PCDHB5: variants seen among roughly 807,000 people sequenced by gnomAD.
The protein encoded by PCDHB5 is protocadherin beta-5.
For synonymous variants in PCDHB5, 569 were observed against 462.2 expected (o/e 1.23, Z -2.96); for missense variants, 1,125 against 1,029.4 (o/e 1.09, Z -1.27).
chr5:141,136,467 G>C lies in PCDHB5; in HGVS notation c.1033G>C (p.Glu345Gln), dbSNP rs1554275905. Residue 345 changes from glutamate (E) to glutamine (Q), a missense_variant, in exon 1 of 1, where the codon GAA becomes CAA. Glu to Gln is a conservative substitution (Grantham distance 29, BLOSUM62 2). Transcript: ENST00000231134. ...EVVDVNDNAP[E>Q]LTMSTLSSPT... is the part of the protein sequence containing the mutation. ...GGTGGATGTGAATGACAACGCCCCT[G>C]AACTCACCATGTCTACGCTCTCCAG... is the stretch of plus-strand genomic sequence containing the variant. The C allele has an allele frequency of 6.2e-7, 1 of 1,614,092 alleles. No homozygotes were observed. The highest frequency in any genetic ancestry group is 1.3e-5 in the African/African-American group (1 of 75,024).
chr5:141,137,835 G>A lies in PCDHB5; in HGVS notation c.*13G>A, dbSNP rs1752635479. On this transcript the variant is annotated 3_prime_UTR_variant, in exon 1 of 1. Coordinates refer to ENST00000231134, the MANE Select transcript of PCDHB5 (RefSeq NM_015669.5). Reference sequence around the variant, plus strand: ...TGGATTAAATTAGAGATCTCGTGATGACGCGTTGTTTTCTGCCATTTATCC... The same window carrying A: ...TGGATTAAATTAGAGATCTCGTGATAACGCGTTGTTTTCTGCCATTTATCC... 6.4e-7 allele frequency: 1 copy of A among 1,558,318 alleles called. No individual in the cohort carries two copies. Among genetic ancestry groups the A allele is most frequent in the Admixed American group, 1.9e-5 (1 of 51,426 alleles).
At position 141,136,670 on chromosome 5, in the gene PCDHB5, C is replaced by A; in HGVS notation, c.1236C>A (p.Ser412Arg). The A allele has an allele frequency of 6.2e-7, 1 of 1,614,178 alleles. No homozygotes were observed. The part of the protein sequence containing the change: ...LVTQRTLDRE[S>R]QAEYNITITV... ...CACAGAGAACACTGGACAGAGAGAG[C>A]CAAGCCGAGTACAACATCACCATCA... The change falls in exon 1 of 1, where the codon AGC becomes AGA. Residue 412 changes from serine to arginine, a missense_variant. Physicochemically the swap from Ser to Arg is moderately radical, Grantham distance 110. Coordinates refer to ENST00000231134, the MANE Select transcript of PCDHB5 (RefSeq NM_015669.5).
Position 141,137,718 on chromosome 5 carries a change from G to A in PCDHB5, c.2284G>A (p.Glu762Lys). 1 of 1,614,240 alleles carries A rather than the reference G, an allele frequency of 6.2e-7. No individual in the cohort carries two copies. Among genetic ancestry groups the A allele is most frequent in the Non-Finnish European group, 8.5e-7 (1 of 1,180,050 alleles). The change falls in exon 1 of 1, where the codon GAG becomes AAG. Residue 762 changes from glutamate to lysine, a missense_variant. Glu to Lys is a moderately conservative substitution (Grantham distance 56). Coordinates refer to ENST00000231134, the MANE Select transcript of PCDHB5 (RefSeq NM_015669.5). ...TTTGACCGGAGACTCAGGGGCCGGCGAGTTCAAGTTCCTGAAGCCGATTAT... is the reference window on the plus strand; with the variant it reads ...TTTGACCGGAGACTCAGGGGCCGGCAAGTTCAAGTTCCTGAAGCCGATTAT... Reference protein sequence around the residue: ...VCLTGDSGAGEFKFLKPIIPN... With the variant: ...VCLTGDSGAGKFKFLKPIIPN...
chr5:141,136,217 TGTC>T lies in PCDHB5; in HGVS notation c.786_788del (p.Val264del), dbSNP rs782006572. On this transcript the variant is annotated inframe_deletion, in exon 1 of 1. Transcript: ENST00000231134. ...AGAACAGCCCCCTTAACTCCTTAGT[TGTC>T]GTTGTCTCCGCTCGAGATTTAGATG... is the stretch of plus-strand genomic sequence containing the variant. The T allele has an allele frequency of 2.2e-5, 35 of 1,613,962 alleles. No homozygotes were observed. Among genetic ancestry groups the T allele is most frequent in the Non-Finnish European group, 2.8e-5 (33 of 1,180,006 alleles).
rs782640998 is a variant in PCDHB5 at position 141,136,513 on chromosome 5, C to G, written c.1079C>G (p.Pro360Arg). ...TCCAGCCCTACCCCAGAAAATGCCCCGGAAACTGTAGTTGCCGTTTTCAGT... is the reference window on the plus strand; with the variant it reads ...TCCAGCCCTACCCCAGAAAATGCCCGGGAAACTGTAGTTGCCGTTTTCAGT... ...TLSSPTPENA[P>R]ETVVAVFSVS... Residue 360 changes from proline to arginine, a missense_variant, in exon 1 of 1, where the codon CCG (proline) becomes CGG (arginine). By Grantham distance (103) the Pro-to-Arg change is moderately radical. Transcript: ENST00000231134. The G allele has an allele frequency of 5.6e-6, 9 of 1,614,050 alleles. No individual in the cohort carries two copies. The highest frequency in any genetic ancestry group is 4.4e-5 in the South Asian group (4 of 91,058).
Position 141,136,309 on chromosome 5 carries a change from T to C in PCDHB5, c.875T>C (p.Val292Ala), listed in dbSNP as rs561226977. The C allele has an allele frequency of 1.9e-6, 3 of 1,614,208 alleles. No homozygotes were observed. The African/African-American group carries it at 4.0e-5, about 22-fold the overall frequency. Residue 292 changes from valine to alanine, a missense_variant, in exon 1 of 1, where the codon GTA (valine) becomes GCA (alanine). Physicochemically the swap from Val to Ala is moderately conservative, Grantham distance 64 (BLOSUM62 0). Coordinates refer to ENST00000231134, the MANE Select transcript of PCDHB5 (RefSeq NM_015669.5). ...GGCGATGAAGTTACTCAACCATTTG[T>C]AATAGACGAGAAAACAGCAGAAATT... ...FQGDEVTQPF[V>A]IDEKTAEIRL... is the part of the protein sequence containing the mutation.
chr5:141,135,947 A>T lies in PCDHB5; in HGVS notation c.513A>T (p.Thr171=). Residue 171 remains threonine, a synonymous_variant, in exon 1 of 1, where the codon ACA becomes ACT. Coordinates refer to ENST00000231134, the MANE Select transcript of PCDHB5 (RefSeq NM_015669.5). ...GTAGCAACACTGTTCAGAACTACAC[A>T]ATCAGCCCAAATTCACACTTTCATG... The part of the protein sequence containing the change: ...DIGSNTVQNY[T]ISPNSHFHVA... 6.2e-7 allele frequency: 1 copy of T among 1,614,220 alleles called. No individual in the cohort carries two copies. The highest frequency in any genetic ancestry group is 8.5e-7 in the Non-Finnish European group (1 of 1,180,036).
chr5:141,135,433 C>G lies in PCDHB5; in HGVS notation c.-2C>G. The G allele has an allele frequency of 6.3e-7, 1 of 1,599,358 alleles. No homozygotes were observed. The highest frequency in any genetic ancestry group is 1.1e-5 in the South Asian group (1 of 88,034). ...CTGCGCCTTCTGGACCGGGTCTGAA[C>G]AATGGAGACTGCGCTAGCAAAAACG... On this transcript the variant is annotated 5_prime_UTR_variant, in exon 1 of 1. Coordinates refer to ENST00000231134, the MANE Select transcript of PCDHB5 (RefSeq NM_015669.5).
rs376241808 is a variant in PCDHB5, at chr5:141,135,863, A to G, written c.429A>G (p.Pro143=). Reference sequence around the variant, plus strand: ...AGAAGGAAATGCTCCTAAAAATCCCAGAGAGCACCCAGCCAGGGACTGTGT... The same window carrying G: ...AGAAGGAAATGCTCCTAAAAATCCCGGAGAGCACCCAGCCAGGGACTGTGT... The part of the protein sequence containing the change: ...FPEKEMLLKI[P]ESTQPGTVFP... Residue 143 remains proline (P), a synonymous_variant, in exon 1 of 1, where the codon CCA becomes CCG. Transcript: ENST00000231134. The G allele has an allele frequency of 1.9e-6, 3 of 1,614,208 alleles. No homozygotes were observed. The highest frequency in any genetic ancestry group is 2.2e-5 in the East Asian group (1 of 44,888).
rs374505721 is a variant in PCDHB5, at chr5:141,137,360, G to T, written c.1926G>T (p.Leu642=). Residue 642 remains leucine (L), a synonymous_variant, in exon 1 of 1, where the codon CTG becomes CTT. Coordinates refer to ENST00000231134, the MANE Select transcript of PCDHB5 (RefSeq NM_015669.5). ...RDAAKHRLVV[L]VKDNGEPPRS... is the part of the protein sequence containing the mutation. ...CGGCCAAGCACAGGCTGGTGGTGCT[G>T]GTCAAGGACAATGGCGAGCCTCCGC... 1.4e-4 allele frequency: 231 copies of T among 1,609,774 alleles called. No individual in the cohort carries two copies. The highest frequency in any genetic ancestry group is 4.3e-4 in the African/African-American group (32 of 74,980).
At position 141,135,779 on chromosome 5, in the gene PCDHB5, G is replaced by A. The variant is rs1563870703; in HGVS notation, c.345G>A (p.Gln115=). ...HFQLLLENPV[Q]FFQTDLQLTD... ...AGCTCTTACTAGAAAATCCAGTGCA[G>A]TTTTTTCAAACTGATCTGCAGCTCA... Residue 115 remains glutamine (Q), a synonymous_variant, in exon 1 of 1, where the codon CAG becomes CAA. Transcript: ENST00000231134. 6.2e-7 allele frequency: 1 copy of A among 1,614,092 alleles called. No individual in the cohort carries two copies. The highest frequency in any genetic ancestry group is 8.5e-7 in the Non-Finnish European group (1 of 1,179,964).
chr5:141,136,962 G>C lies in PCDHB5; in HGVS notation c.1528G>C (p.Gly510Arg), dbSNP rs782550910. The C allele has an allele frequency of 6.2e-7, 1 of 1,612,514 alleles. No individual in the cohort carries two copies. The highest frequency in any genetic ancestry group is 8.5e-7 in the Non-Finnish European group (1 of 1,179,968). The change falls in exon 1 of 1, where the codon GGC becomes CGC. Residue 510 changes from glycine to arginine, a missense_variant. Coordinates refer to ENST00000231134, the MANE Select transcript of PCDHB5 (RefSeq NM_015669.5). ...CCTGGTCTCCATCAACGCGGACAAC[G>C]GCCACCTGTTTGCCCTCAGGTCGCT... The part of the protein sequence containing the change: ...ASLVSINADN[G>R]HLFALRSLDY...
rs782616677 is a variant in PCDHB5, at chr5:141,136,275, C to G, written c.841C>G (p.Leu281Val). The part of the protein sequence containing the change: ...AGAYGSVAYA[L>V]FQGDEVTQPF... ...AGCATATGGGAGTGTAGCCTATGCTCTATTCCAAGGCGATGAAGTTACTCA... is the reference window on the plus strand; with the variant it reads ...AGCATATGGGAGTGTAGCCTATGCTGTATTCCAAGGCGATGAAGTTACTCA... Residue 281 changes from leucine to valine, a missense_variant, in exon 1 of 1, where the codon CTA (leucine) becomes GTA (valine). Transcript: ENST00000231134. 3.1e-6 allele frequency: 5 copies of G among 1,614,164 alleles called. No individual in the cohort carries two copies. In the East Asian group the frequency reaches 8.9e-5, roughly 29 times the overall value.
Position 141,137,516 on chromosome 5 carries a change from C to G in PCDHB5, c.2082C>G (p.Ala694=). The change falls in exon 1 of 1, where the codon GCC becomes GCG. Residue 694 remains alanine (A), a synonymous_variant. Coordinates refer to ENST00000231134, the MANE Select transcript of PCDHB5 (RefSeq NM_015669.5). ...SLTVYLVVAL[A]SVSSLFLFSV... Reference sequence around the variant, plus strand: ...CTGTCTACCTGGTGGTGGCATTGGCCTCGGTGTCGTCGCTCTTCCTCTTTT... The same window carrying G: ...CTGTCTACCTGGTGGTGGCATTGGCGTCGGTGTCGTCGCTCTTCCTCTTTT... 6.2e-7 allele frequency: 1 copy of G among 1,612,468 alleles called. No individual in the cohort carries two copies. The highest frequency in any genetic ancestry group is 8.5e-7 in the Non-Finnish European group (1 of 1,179,612).
Position 141,135,293 on chromosome 5 carries a change from A to C in PCDHB5, c.-142A>C. 1 of 620,718 alleles carries C rather than the reference A, an allele frequency of 1.6e-6. No individual in the cohort carries two copies. The highest frequency in any genetic ancestry group is 2.8e-6 in the Non-Finnish European group (1 of 360,278). The allele number at this position is 620,718 out of a possible 1,614,324, so 38.5% of individuals were successfully genotyped here. A position where few individuals can be genotyped will look rare whatever the true frequency, so the allele number is the denominator to read the frequency against. On this transcript the variant is annotated 5_prime_UTR_variant, in exon 1 of 1. Coordinates refer to ENST00000231134, the MANE Select transcript of PCDHB5 (RefSeq NM_015669.5). ...CTAAAAGAAGGACGCATTTTAGGTA[A>C]GATCTAGTGGCTAGATCTTCAGGGT... is the stretch of plus-strand genomic sequence containing the variant.
At position 141,136,211 on chromosome 5, in the gene PCDHB5, C is replaced by T. The variant is rs1399845591; in HGVS notation, c.777C>T (p.Ser259=). ...VQVPENSPLN[S]LVVVVSARDL... Reference sequence around the variant, plus strand: ...TGCCCGAGAACAGCCCCCTTAACTCCTTAGTTGTCGTTGTCTCCGCTCGAG... The same window carrying T: ...TGCCCGAGAACAGCCCCCTTAACTCTTTAGTTGTCGTTGTCTCCGCTCGAG... The change falls in exon 1 of 1, where the codon TCC becomes TCT. Residue 259 remains serine, a synonymous_variant. Coordinates refer to ENST00000231134, the MANE Select transcript of PCDHB5 (RefSeq NM_015669.5). 6.2e-7 allele frequency: 1 copy of T among 1,613,930 alleles called. No individual in the cohort carries two copies. The highest frequency in any genetic ancestry group is 1.3e-5 in the African/African-American group (1 of 74,900).
Position 141,138,209 on chromosome 5 carries a change from ACAT to A in PCDHB5, c.*394_*396del, listed in dbSNP as rs533688968. ...AAAATGCAAAAATTAAAAATGTTTC[ACAT>A]CATCATATTTTAATTGTTTAAAACA... On this transcript the variant is annotated 3_prime_UTR_variant, in exon 1 of 1. Coordinates refer to ENST00000231134, the MANE Select transcript of PCDHB5 (RefSeq NM_015669.5). 1.0e-3 allele frequency: 174 copies of A among 167,656 alleles called. 2 individuals carry two copies. Among genetic ancestry groups the A allele is most frequent in the African/African-American group, 3.7e-3 (157 of 41,990 alleles). 10.4% of individuals were successfully genotyped at this position (167,656 alleles called of 1,614,324 possible).
In PCDHB5 at chr5:141,137,361, G is replaced by A; in HGVS notation, c.1927G>A (p.Val643Ile). Residue 643 changes from valine (V) to isoleucine (I), a missense_variant, in exon 1 of 1, where the codon GTC (valine) becomes ATC (isoleucine). Val to Ile is a conservative substitution (Grantham distance 29). Transcript: ENST00000231134. ...GGCCAAGCACAGGCTGGTGGTGCTG[G>A]TCAAGGACAATGGCGAGCCTCCGCG... Reference protein sequence around the residue: ...DAAKHRLVVLVKDNGEPPRSA... With the variant: ...DAAKHRLVVLIKDNGEPPRSA... 6.2e-7 allele frequency: 1 copy of A among 1,609,742 alleles called. No homozygotes were observed. The highest frequency in any genetic ancestry group is 8.5e-7 in the Non-Finnish European group (1 of 1,179,456).
At position 141,136,502 on chromosome 5, in the gene PCDHB5, AG is replaced by A; in HGVS notation, c.1069del (p.Glu357LysfsTer7). On this transcript the variant is annotated frameshift_variant, in exon 1 of 1. Transcript: ENST00000231134. LOFTEE classifies it low-confidence loss of function (END_TRUNC). The part of the protein sequence containing the change: ...TMSTLSSPTP[E>X]NAPETVVAVF... ...TGTCTACGCTCTCCAGCCCTACCCC[AG>A]AAAATGCCCCGGAAACTGTAGTTGC... is the stretch of plus-strand genomic sequence containing the variant. The A allele has an allele frequency of 6.2e-7, 1 of 1,614,106 alleles. No individual in the cohort carries two copies. Among genetic ancestry groups the A allele is most frequent in the Non-Finnish European group, 8.5e-7 (1 of 1,180,014 alleles).
Sources: allele counts gnomAD v4.1 joint callset, GRCh38; gene constraint gnomAD v4.1.1; transcripts MANE v1.5; gene names NCBI Gene and HGNC (gene_info 2026-07-23, HGNC 2026-07-21).